Variants in SSC5D observed in about 807,000 individuals in gnomAD.
The protein encoded by SSC5D is soluble scavenger receptor cysteine-rich domain-containing protein SSC5D.
In SSC5D, 106 loss-of-function variants were observed where a neutral mutation model predicts 104.6. The ratio of observed to expected loss-of-function variants is 1.01; its 90% CI spans 0.87 to 1.19. The LOEUF (loss-of-function observed/expected upper bound fraction) is 1.19. Among genes scored for constraint, SSC5D ranks in the 50% most tolerant of loss-of-function variants. The probability of loss-of-function intolerance (pLI) is 0.00; values close to 1 mark genes in which losing one functional copy is unlikely to be tolerated. For missense variants in SSC5D, 1,993 were observed against 2,153.8 expected (o/e 0.93, Z 1.48); for synonymous variants, 860 against 883.5 (o/e 0.97, Z 0.47).
In SSC5D at chr19:55,493,624, G is replaced by A; in HGVS notation, c.925G>A (p.Gly309Ser). 1 of 1,477,284 alleles carries A rather than the reference G, an allele frequency of 6.8e-7. No individual in the cohort carries two copies. The highest frequency in any genetic ancestry group is 8.9e-7 in the Non-Finnish European group (1 of 1,125,296). The allele number at this position is 1,477,284 out of a possible 1,614,324, so 91.5% of individuals were successfully genotyped here. The change falls in exon 7 of 14, where the codon GGC (glycine) becomes AGC (serine). Residue 309 changes from glycine to serine, a missense_variant. Around this residue, in one of 6 missense-constraint regions of SSC5D, gnomAD observed 1,101 missense variants for 1,085.0 expected, o/e 1.01. Coordinates refer to ENST00000389623, the MANE Select transcript of SSC5D (RefSeq NM_001144950.2). ...AGCACCTCGGCTGCGCCTGGCCGAT[G>A]GCCCCCACGGGTGCGCCGGCCGCCT... ...GPAPRLRLAD[G>S]PHGCAGRLEV...
At chr19:55,492,294 G>A (rs559165333) in intron 6 of SSC5D, 2 of 152,392 alleles carry the variant, frequency 1.3e-5, no homozygotes, top group African/African-American at 2.4e-5. Flanking sequence ...CCATAGGGAC[G>A]TGGTGGGGAC....
chr19:55,502,365 C>A (rs748211176), intron 12 of SSC5D, among the ~76,000 whole-genome samples: 4 of 151,090 alleles, frequency 2.6e-5, no homozygotes, highest in African/African-American at 9.7e-5. Flanking sequence ...CATTTTTTTT[C>A]TTTCGTTGTC....
chr19:55,513,088 G>T lies in SSC5D; in HGVS notation c.2863G>T (p.Ala955Ser). 1.3e-6 allele frequency: 2 copies of T among 1,550,678 alleles called. No individual in the cohort carries two copies. The highest frequency in any genetic ancestry group is 1.7e-6 in the Non-Finnish European group (2 of 1,146,404). Reference protein sequence around the residue: ...GRGLAEGTPTAGKLGPTLGAG... With the variant: ...GRGLAEGTPTSGKLGPTLGAG... ...GGGCCTGGCTGAGGGGACCCCTACC[G>T]CAGGCAAACTAGGACCAACTCTTGG... Residue 955 changes from alanine (A) to serine (S), a missense_variant, in exon 13 of 14, where the codon GCA becomes TCA. Ala to Ser is a moderately conservative substitution (Grantham distance 99). This residue lies in a region of SSC5D where 423 missense variants were observed against 409.2 expected (regional missense o/e 1.03). Transcript: ENST00000389623.
chr19:55,490,454 A>G, intron 5 of SSC5D, 46 bp downstream of exon 5: 1 of 676,170 alleles, frequency 1.5e-6, no homozygotes, highest in African/African-American at 2.0e-5. Flanking sequence ...GGTTGCTGTG[A>G]GGCCCAGGGC....
Position 55,489,385 on chromosome 19 carries a change from G to A in SSC5D, c.84G>A (p.Gly28=), listed in dbSNP as rs1214712472. The change falls in exon 3 of 14, where the codon GGG becomes GGA. Residue 28 remains glycine (G), a synonymous_variant. Coordinates refer to ENST00000389623, the MANE Select transcript of SSC5D (RefSeq NM_001144950.2). ...TGCGCCTGGCCGATGGCCCCCATGGGTGCGCTGGCCGCCTGGAGGTCTGGC... is the reference window on the plus strand; with the variant it reads ...TGCGCCTGGCCGATGGCCCCCATGGATGCGCTGGCCGCCTGGAGGTCTGGC... ...ERLRLADGPH[G]CAGRLEVWHG... 2 of 1,480,410 alleles carry A rather than the reference G, an allele frequency of 1.4e-6. No homozygotes were observed. Among genetic ancestry groups the A allele is most frequent in the Non-Finnish European group, 1.8e-6 (2 of 1,122,698 alleles). 91.7% of individuals were successfully genotyped at this position (1,480,410 alleles called of 1,614,324 possible). A position where few individuals can be genotyped will look rare whatever the true frequency, so the allele number is the denominator to read the frequency against.
chr19:55,507,355 A>G (rs1568482534), intron 12 of SSC5D, among the ~76,000 whole-genome samples: 1 of 148,830 alleles, frequency 6.7e-6, no homozygotes, highest in African/African-American at 2.5e-5. Context: ...AAAAAAAAAA[A>G]AAAAAAAGGA....
chr19:55,489,057 T>TG, intron 2 of SSC5D, 25 bp downstream of exon 2: 2 of 1,247,974 alleles, frequency 1.6e-6, no homozygotes, highest in Non-Finnish European at 1.0e-6. Context: ...TCCTCCCATC[T>TG]GCCCGCCCCC....
At position 55,518,636 on chromosome 19, in the gene SSC5D, C is replaced by T. The variant is rs1987950688; in HGVS notation, c.4360C>T (p.Leu1454Phe). Residue 1454 changes from leucine (L) to phenylalanine (F), a missense_variant, in exon 14 of 14, where the codon CTT becomes TTT. Around this residue, in one of 6 missense-constraint regions of SSC5D, gnomAD observed 349 missense variants for 397.6 expected, o/e 0.88. Transcript: ENST00000389623. ...PTAHPLDHPPLDPLTLGPTPG... is the reference protein window; with the variant it reads ...PTAHPLDHPPFDPLTLGPTPG... The stretch of plus-strand genomic sequence containing the variant: ...AGCCCACCCCTTGGATCATCCTCCC[C>T]TTGACCCCCTCACCCTAGGGCCAAC... 6.5e-7 allele frequency: 1 copy of T among 1,533,282 alleles called. No homozygotes were observed. Among genetic ancestry groups the T allele is most frequent in the Non-Finnish European group, 8.8e-7 (1 of 1,138,322 alleles). The allele number at this position is 1,533,282 out of a possible 1,614,324, so 95.0% of individuals were successfully genotyped here. A position where few individuals can be genotyped will look rare whatever the true frequency, so the allele number is the denominator to read the frequency against.
At chr19:55,494,832 C>T in intron 8 of SSC5D, 49 bp downstream of exon 8, 1 of 1,489,178 alleles carries the variant, frequency 6.7e-7, no homozygotes, top group South Asian at 1.3e-5. Flanking sequence ...CCTTCTGTTT[C>T]CTTCCCTCAG....
At chr19:55,515,344 C>G (rs1987846245) in intron 13 of SSC5D, among the ~76,000 whole-genome samples, 1 of 135,162 alleles carries the variant, frequency 7.4e-6, no homozygotes, top group African/African-American at 2.8e-5. Context: ...TGCAGCGAGC[C>G]AAGATCGCGC....
At chr19:55,490,260 G>A (rs1180691438) in intron 4 of SSC5D, 38 bp from the exon 5 acceptor site, 19 of 704,594 alleles carry the variant, frequency 2.7e-5, no homozygotes, top group Middle Eastern at 2.7e-4. Context: ...GAAGGATGAG[G>A]GGCTCAGCTC....
chr19:55,493,991 G>GGGGGGGGGGGGGT, intron 7 of SSC5D, 79 bp downstream of exon 7: 1 of 301,048 alleles, frequency 3.3e-6, no homozygotes, highest in Non-Finnish European at 6.7e-6. Context: ...CGGGGGCGGG[G>GGGGGGGGGGGGGT]GGGTCCCTAC....
chr19:55,489,724 A>G, intron 3 of SSC5D, 62 bp downstream of exon 3: 2 of 1,512,592 alleles, frequency 1.3e-6, no homozygotes, highest in South Asian at 1.2e-5. Flanking sequence ...AGGAACCCCA[A>G]GTCCTTAGCC....
chr19:55,514,550 G>A (rs1987828470), intron 13 of SSC5D, among the ~76,000 whole-genome samples: 1 of 149,324 alleles, frequency 6.7e-6, no homozygotes, highest in Non-Finnish European at 1.5e-5. Context: ...GCAGTGAGCT[G>A]AGATCGCACC....
Position 55,501,199 on chromosome 19 carries a change from C to A in SSC5D, c.2783C>A (p.Thr928Lys), listed in dbSNP as rs1276857800. ...CCAGCAATAAGGCGCCTGCCGGACA[C>A]AGGTGAGAGGCCTGATTGGGGTGGC... The part of the protein sequence containing the change: ...SSPAIRRLPD[T>K]GSKDGYKLPW... Residue 928 changes from threonine (T) to lysine (K), a missense_variant and splice_region_variant, in exon 12 of 14, where the codon ACA (threonine) becomes AAA (lysine). Physicochemically the swap from Thr to Lys is moderately conservative, Grantham distance 78. Coordinates refer to ENST00000389623, the MANE Select transcript of SSC5D (RefSeq NM_001144950.2). 5 of 1,525,210 alleles carry A rather than the reference C, an allele frequency of 3.3e-6. No homozygotes were observed. The highest frequency in any genetic ancestry group is 4.4e-6 in the Non-Finnish European group (5 of 1,135,788). The allele number at this position is 1,525,210 out of a possible 1,614,324, so 94.5% of individuals were successfully genotyped here.
chr19:55,510,938 C>T (rs1357500216), intron 12 of SSC5D, among the ~76,000 whole-genome samples: 1 of 152,110 alleles, frequency 6.6e-6, no homozygotes, highest in Non-Finnish European at 1.5e-5. Flanking sequence ...GCCACCATGC[C>T]CAGCTAATTT....
At chr19:55,499,581 T>C (rs965741505) in intron 9 of SSC5D, among the ~76,000 whole-genome samples, 2 of 152,032 alleles carry the variant, frequency 1.3e-5, no homozygotes, top group South Asian at 2.1e-4. Flanking sequence ...TATGTCCAGA[T>C]TGTAAATGCC....
intron 4 of SSC5D, 28 bp downstream of exon 4, chr19:55,490,023 C>A: frequency 4.6e-6 from 7 of 1,508,524 alleles, no homozygotes; most frequent in Non-Finnish European, 6.3e-6. Context: ...CCCTGCCAAC[C>A]CCCACCCAGC....
intron 3 of SSC5D, 73 bp from the exon 4 acceptor site, chr19:55,489,809 C>G (rs1462427007): frequency 1.6e-5 from 24 of 1,493,058 alleles, no homozygotes; most frequent in Non-Finnish European, 2.1e-5. Flanking sequence ...GGCTAACTCC[C>G]TCTTCCAGGG....
Sources: gnomAD v4.1 joint callset for allele counts (sites outside exome capture counted in the v4.1 genomes callset) on GRCh38, gnomAD v4.1.1 for gene constraint, gnomAD v4.1.1 regional missense constraint, MANE v1.5 for transcripts, NCBI Gene and HGNC (gene_info 2026-07-23, HGNC 2026-07-21) for gene names.